The following MKNK2 variants were observed in gnomAD, a reference collection of about 807,000 sequenced individuals.
The protein encoded by MKNK2 is MAP kinase-interacting serine/threonine-protein kinase 2.
A neutral mutation model predicts 55.0 loss-of-function variants in MKNK2; 54 were observed. The ratio of observed to expected loss-of-function variants is 0.98; its 90% CI spans 0.79 to 1.23. MKNK2 has a LOEUF of 1.23. MKNK2 is among the 50% of genes most tolerant of loss of function. MKNK2 has a pLI of 0.00. For synonymous variants in MKNK2, 323 were observed against 256.0 expected (o/e 1.26, Z -2.50); for missense variants, 685 against 632.1 (o/e 1.08, Z -0.90).
intron 11 of MKNK2, among the ~76,000 whole-genome samples, chr19:2,041,456 G>C (rs186784804): frequency 9.1e-4 from 138 of 152,230 alleles, no homozygotes; most frequent in Admixed American, 5.0e-3. Flanking sequence ...CTTAAGCCGC[G>C]GGCAGGGAGC....
At chr19:2,043,608 C>T (rs1264699664) in intron 5 of MKNK2, 26 bp from the exon 6 acceptor site, 6 of 1,610,810 alleles carry the variant, frequency 3.7e-6, no homozygotes, top group Non-Finnish European at 5.1e-6. Context: ...GGACACAGCA[C>T]CTGGGTTGGT....
Position 2,039,846 on chromosome 19 carries a change from C to T in MKNK2, c.1165G>A (p.Ala389Thr). ...GCCGCGAAGGACGTGAGGTCTTTGGCACAGCTGTTCCTGGGAAACGGGGTG... is the reference window on the plus strand; with the variant it reads ...GCCGCGAAGGACGTGAGGTCTTTGGTACAGCTGTTCCTGGGAAACGGGGTG... ...TPMVLQRNSC[A>T]KDLTSFAAEA... Residue 389 changes from alanine (A) to threonine (T), a missense_variant, in exon 14 of 14, where the codon GCC (alanine) becomes ACC (threonine). Physicochemically the swap from Ala to Thr is moderately conservative, Grantham distance 58 (BLOSUM62 0). Coordinates refer to ENST00000250896, the MANE Select transcript of MKNK2 (RefSeq NM_199054.3). The T allele has an allele frequency of 1.3e-6, 2 of 1,593,202 alleles. No individual in the cohort carries two copies. The highest frequency in any genetic ancestry group is 2.2e-5 in the South Asian group (2 of 90,810).
intron 10 of MKNK2, 174 bp downstream of exon 10, chr19:2,042,253 G>T (rs1366328449): frequency 9.5e-6 from 7 of 737,514 alleles, no homozygotes; most frequent in Middle Eastern, 4.0e-4. Context: ...ACACCGACGC[G>T]TTGGGGCGCC....
At chr19:2,049,795 CA>C (rs1027908576) in intron 2 of MKNK2, among the ~76,000 whole-genome samples, 2 of 152,142 alleles carry the variant, frequency 1.3e-5, no homozygotes, top group Admixed American at 6.5e-5. Context: ...GCAGGGGTGG[CA>C]GGGGTGGAGT....
At chr19:2,049,080 TC>T (rs144673655) in intron 2 of MKNK2, among the ~76,000 whole-genome samples, 1 of 152,066 alleles carries the variant, frequency 6.6e-6, no homozygotes, top group Non-Finnish European at 1.5e-5. Context: ...TGGCCACCGT[TC>T]CCCTGTGCCA....
At position 2,037,762 on chromosome 19, in the gene MKNK2, T is replaced by C. The variant is rs1429767040; in HGVS notation, c.*1851A>G. The C allele has an allele frequency of 6.2e-7, 1 of 1,606,506 alleles. No homozygotes were observed. The highest frequency in any genetic ancestry group is 8.5e-7 in the Non-Finnish European group (1 of 1,175,924). ...CTTCACTCATTCACAGTAACGGTTCTGACCAGTCCTCCAGGTCGCACGTGG... is the reference window on the plus strand; with the variant it reads ...CTTCACTCATTCACAGTAACGGTTCCGACCAGTCCTCCAGGTCGCACGTGG... On this transcript the variant is annotated 3_prime_UTR_variant, in exon 14 of 14. Transcript: ENST00000250896.
rs1425778409 is a variant in MKNK2 at position 2,038,446 on chromosome 19, G to A, written c.*1167C>T. On this transcript the variant is annotated 3_prime_UTR_variant, in exon 14 of 14. Transcript: ENST00000250896. ...CCCACCCGCGGGGAGGGGGCAGCAGGCTCCGCAGCCCCCGGGGGTTGGAGC... is the reference window on the plus strand; with the variant it reads ...CCCACCCGCGGGGAGGGGGCAGCAGACTCCGCAGCCCCCGGGGGTTGGAGC... 2.9e-5 allele frequency: 29 copies of A among 984,710 alleles called. No individual in the cohort carries two copies. In the Admixed American group the frequency reaches 5.5e-4, roughly 19 times the overall value. 61.0% of individuals were successfully genotyped at this position (984,710 alleles called of 1,614,324 possible). A position where few individuals can be genotyped will look rare whatever the true frequency, so the allele number is the denominator to read the frequency against.
chr19:2,041,727 G>A lies in MKNK2; in HGVS notation c.945+113C>T, dbSNP rs2016887465. The A allele has an allele frequency of 1.0e-5, 9 of 868,050 alleles. No homozygotes were observed. In the South Asian group the frequency reaches 1.6e-4, roughly 16 times the overall value. 53.8% of individuals were successfully genotyped at this position (868,050 alleles called of 1,614,324 possible). A position where few individuals can be genotyped will look rare whatever the true frequency, so the allele number is the denominator to read the frequency against. On this transcript the variant is annotated intron_variant, in intron 11 of 13. Transcript: ENST00000250896. ...AGGGTTAGGGGGTGGTCAGGGGGCA[G>A]GTCCCCTGGACTTAGAGGGTGCGCA...
At chr19:2,044,149 G>A (rs756811088) in intron 5 of MKNK2, among the ~76,000 whole-genome samples, 23 of 151,852 alleles carry the variant, frequency 1.5e-4, no homozygotes, top group Non-Finnish European at 2.9e-4. Context: ...ACAGTCAGCT[G>A]TAGTCCTCTT....
At chr19:2,048,804 G>A (rs1377238329) in intron 2 of MKNK2, among the ~76,000 whole-genome samples, 2 of 152,032 alleles carry the variant, frequency 1.3e-5, no homozygotes, top group Admixed American at 6.5e-5. Flanking sequence ...GAAGGGGGGG[G>A]CTCCAACTAG....
intron 2 of MKNK2, among the ~76,000 whole-genome samples, chr19:2,047,700 T>C (rs1318401090): frequency 6.6e-6 from 1 of 152,016 alleles, no homozygotes; most frequent in African/African-American, 2.4e-5. Flanking sequence ...GTTTCCCCCA[T>C]CTAAGATGGC....
In MKNK2 at chr19:2,041,972, G is replaced by A. The variant is rs766680199; in HGVS notation, c.813C>T (p.Ile271=). ...VVEAFSEEAS[I]YDKRCDLWSL... ...TCCACAGGTCGCAGCGCTTGTCGTA[G>A]ATGCTAGCCTCCTCGCTGAAGGCCT... The change falls in exon 11 of 14, where the codon ATC becomes ATT. Residue 271 remains isoleucine (I), a synonymous_variant. Coordinates refer to ENST00000250896, the MANE Select transcript of MKNK2 (RefSeq NM_199054.3). The A allele has an allele frequency of 1.3e-6, 2 of 1,561,784 alleles. No homozygotes were observed. The highest frequency in any genetic ancestry group is 1.7e-6 in the Non-Finnish European group (2 of 1,153,656).
In MKNK2 at chr19:2,037,996, G is replaced by T. The variant is rs1236420977; in HGVS notation, c.*1617C>A. On this transcript the variant is annotated 3_prime_UTR_variant, in exon 14 of 14. Coordinates refer to ENST00000250896, the MANE Select transcript of MKNK2 (RefSeq NM_199054.3). Reference sequence around the variant, plus strand: ...GAAACATGGAATCACTGACAGGCGAGAAGTGATGGGGGAAAGGGGTGGGCG... The same window carrying T: ...GAAACATGGAATCACTGACAGGCGATAAGTGATGGGGGAAAGGGGTGGGCG... 9 of 1,368,922 alleles carry T rather than the reference G, an allele frequency of 6.6e-6. No homozygotes were observed. The highest frequency in any genetic ancestry group is 6.6e-6 in the Non-Finnish European group (7 of 1,053,638). 84.8% of individuals were successfully genotyped at this position (1,368,922 alleles called of 1,614,324 possible). A position where few individuals can be genotyped will look rare whatever the true frequency, so the allele number is the denominator to read the frequency against.
intron 2 of MKNK2, 94 bp downstream of exon 2, chr19:2,050,707 C>A: frequency 8.0e-7 from 1 of 1,247,728 alleles, no homozygotes; most frequent in Non-Finnish European, 1.1e-6. Context: ...GCACGAGCCC[C>A]GGGAGCCGAT....
rs903755426 is a variant in MKNK2 at position 2,043,462 on chromosome 19, G to C, written c.419+41C>G. On this transcript the variant is annotated intron_variant, in intron 6 of 13. Coordinates refer to ENST00000250896, the MANE Select transcript of MKNK2 (RefSeq NM_199054.3). Reference sequence around the variant, plus strand: ...CACTCAGGCCCTTCATCCACTGAAAGACAGCTCAGGCCAGTGCGGTGGCAA... The same window carrying C: ...CACTCAGGCCCTTCATCCACTGAAACACAGCTCAGGCCAGTGCGGTGGCAA... 2.5e-6 allele frequency: 4 copies of C among 1,577,180 alleles called. No individual in the cohort carries two copies. The African/African-American group carries it at 4.0e-5, about 16-fold the overall frequency.
chr19:2,042,575 C>T, intron 9 of MKNK2, 32 bp downstream of exon 9: 1 of 1,571,512 alleles, frequency 6.4e-7, no homozygotes, highest in Admixed American at 1.9e-5. Flanking sequence ...GTCCACCCCT[C>T]CCGCGGGGCC....
Position 2,039,424 on chromosome 19 carries a change from G to T in MKNK2, c.*189C>A. The T allele has an allele frequency of 1.3e-5, 18 of 1,402,178 alleles. No individual in the cohort carries two copies. The highest frequency in any genetic ancestry group is 1.7e-5 in the Non-Finnish European group (18 of 1,081,242). The allele number at this position is 1,402,178 out of a possible 1,614,324, so 86.9% of individuals were successfully genotyped here. Reference sequence around the variant, plus strand: ...TCCAAAGGAAAAAATAACGGGGAGGGGTGGAAACAGGAAAAAAAAAACCCA... The same window carrying T: ...TCCAAAGGAAAAAATAACGGGGAGGTGTGGAAACAGGAAAAAAAAAACCCA... On this transcript the variant is annotated 3_prime_UTR_variant, in exon 14 of 14. Coordinates refer to ENST00000250896, the MANE Select transcript of MKNK2 (RefSeq NM_199054.3).
Position 2,042,436 on chromosome 19 carries a change from C to A in MKNK2, c.741G>T (p.Leu247=), listed in dbSNP as rs1204117594. 6.3e-7 allele frequency: 1 copy of A among 1,578,450 alleles called. No homozygotes were observed. Among genetic ancestry groups the A allele is most frequent in the Admixed American group, 1.9e-5 (1 of 52,994 alleles). ...GDCSPISTPE[L]LTPCGSAEYM... is the part of the protein sequence containing the mutation. ...CCCCGCGGGCCCTCACCGGAGTGAG[C>A]AGCTCCGGGGTGGAGATAGGGGAGC... The change falls in exon 10 of 14, where the codon CTG becomes CTT. Residue 247 remains leucine (L), a synonymous_variant. Transcript: ENST00000250896.
At position 2,038,757 on chromosome 19, in the gene MKNK2, A is replaced by G. The variant is rs2016809023; in HGVS notation, c.*856T>C. 1.0e-6 allele frequency: 1 copy of G among 985,530 alleles called. No homozygotes were observed. The allele number at this position is 985,530 out of a possible 1,614,324, so 61.0% of individuals were successfully genotyped here. ...AGGGGGTGTCTTCAGGACCCCCCAC[A>G]TTGGCTGACAGTGCCTGTCCAGCCC... On this transcript the variant is annotated 3_prime_UTR_variant, in exon 14 of 14. Coordinates refer to ENST00000250896, the MANE Select transcript of MKNK2 (RefSeq NM_199054.3).
Sources: gnomAD v4.1 joint callset for allele counts (sites outside exome capture counted in the v4.1 genomes callset) on GRCh38, gnomAD v4.1.1 for gene constraint, MANE v1.5 for transcripts, NCBI Gene and HGNC (gene_info 2026-07-23, HGNC 2026-07-21) for gene names.